NRG1: variants seen among roughly 807,000 people sequenced by gnomAD.
NRG1 encodes the protein neuregulin 1, also known as pro-neuregulin-1, membrane-bound isoform.
NRG1 carries 18 observed loss-of-function variants against 63.8 expected under a neutral mutation model. The observed-to-expected ratio is 0.28, with a 90% confidence interval of 0.19 to 0.42. NRG1 has a LOEUF of 0.42. Ranked by LOEUF, NRG1 falls within the 10% of genes least tolerant of loss-of-function variation. The pLI is 1.00. For missense variants in NRG1, 762 were observed against 814.7 expected, an observed-to-expected ratio of 0.94 and a Z score of 0.79; for synonymous variants, 302 against 301.3, an observed-to-expected ratio of 1.00 and a Z score of -0.02.
intron 4 of NRG1, among the ~76,000 whole-genome samples, chr8:32,616,459 G>A (rs1287181788): frequency 6.6e-6 from 1 of 151,960 alleles, no homozygotes; most frequent in Non-Finnish European, 1.5e-5. Flanking sequence ...GGAATCCAGG[G>A]GCTATTCTCT....
At chr8:32,131,912 T>A (rs1306729235) in intron 1 of NRG1, among the ~76,000 whole-genome samples, 1 of 152,062 alleles carries the variant, frequency 6.6e-6, no homozygotes, top group Non-Finnish European at 1.5e-5. Context: ...TTCCTGGATT[T>A]TTTTCCCTAA....
At chr8:31,996,107 C>A (rs1811927825) in intron 1 of NRG1, among the ~76,000 whole-genome samples, 1 of 151,670 alleles carries the variant, frequency 6.6e-6, no homozygotes, top group East Asian at 1.9e-4. Context: ...GTACCTCCTT[C>A]CACCTTTGTT....
intron 1 of NRG1, among the ~76,000 whole-genome samples, chr8:32,594,325 G>C (rs570183431): frequency 6.6e-6 from 1 of 152,252 alleles, no homozygotes; most frequent in African/African-American, 2.4e-5. Context: ...TAACATTCCT[G>C]AACTGGAGCA....
At chr8:32,081,061 ACTCGAAGTT>A (rs1827389767) in intron 1 of NRG1, among the ~76,000 whole-genome samples, 1 of 151,918 alleles carries the variant, frequency 6.6e-6, no homozygotes, top group African/African-American at 2.4e-5. Flanking sequence ...AATTTGCTTG[ACTCGAAGTT>A]CATTGATTTA....
intron 1 of NRG1, among the ~76,000 whole-genome samples, chr8:32,350,762 A>G (rs1310335580): frequency 6.6e-6 from 1 of 152,086 alleles, no homozygotes; most frequent in Admixed American, 6.6e-5. Flanking sequence ...ATAAATAACT[A>G]GGAATTATAA....
At chr8:31,800,896 A>C (rs1194873991) in intron 1 of NRG1, among the ~76,000 whole-genome samples, 1 of 129,942 alleles carries the variant, frequency 7.7e-6, no homozygotes, top group Non-Finnish European at 1.5e-5. Context: ...GCTGGAGTGC[A>C]GTGGTGCGAT....
intron 5 of NRG1, among the ~76,000 whole-genome samples, chr8:32,653,957 C>CGTGT (rs34252278): frequency 0.046 from 6,812 of 148,764 alleles, 478 homozygotes; most frequent in East Asian, 0.32. Context: ...CGTGTGTATG[C>CGTGT]GTGTGTGTGT....
rs186612129 is a variant in NRG1, at chr8:32,467,404, A to T, written c.38-128424A>T. ...CCAGGACCACTGTTGCCCTGAATGC[A>T]TGAGTATGCAGCCTTTTTATCGTAG... On this transcript the variant is annotated intron_variant, in intron 1 of 10. Coordinates refer to the NRG1 transcript ENST00000519301. Among the ~76,000 whole-genome samples, 29 of 152,278 alleles carry T rather than the reference A, an allele frequency of 1.9e-4. No homozygotes were observed. In the East Asian group the frequency reaches 5.4e-3, roughly 28 times the overall value.
chr8:31,758,440 C>T (rs571785365), intron 1 of NRG1, among the ~76,000 whole-genome samples: 14 of 152,200 alleles, frequency 9.2e-5, no homozygotes, highest in South Asian at 2.1e-4. Context: ...GCACTCTTCA[C>T]GATAGCAAAG....
At chr8:31,949,859 A>G (rs774132725) in intron 1 of NRG1, among the ~76,000 whole-genome samples, 4 of 152,158 alleles carry the variant, frequency 2.6e-5, no homozygotes, top group Non-Finnish European at 4.4e-5. Flanking sequence ...TCCATCTGCA[A>G]ATTTGTTTTT....
chr8:32,278,259 A>T (rs1412558197), intron 1 of NRG1, among the ~76,000 whole-genome samples: 1 of 152,190 alleles, frequency 6.6e-6, no homozygotes, highest in Non-Finnish European at 1.5e-5. Flanking sequence ...TGAGAAACTG[A>T]CTGACTACTA....
intron 1 of NRG1, among the ~76,000 whole-genome samples, chr8:31,743,561 T>TGTGTGTGG (rs1491341852): frequency 7.2e-6 from 1 of 139,114 alleles, no homozygotes; most frequent in African/African-American, 3.3e-5. Context: ...TTGTTTAATA[T>TGTGTGTGG]GTGTGTGTGT....
rs1317777987 is a variant in NRG1 at position 32,759,261 on chromosome 8, A to G, written c.922-45A>G. 3.1e-6 allele frequency: 5 copies of G among 1,595,222 alleles called. No individual in the cohort carries two copies. The African/African-American group carries it at 6.7e-5, about 21-fold the overall frequency. On this transcript the variant is annotated intron_variant, in intron 9 of 11. Transcript: ENST00000356819. ...TGACAATATTAGTGCTTTGATTGAC[A>G]TGAATCTACGTGAATCTTCAAGTTG...
chr8:31,937,830 C>T (rs1054476696), intron 1 of NRG1, among the ~76,000 whole-genome samples: 6 of 152,052 alleles, frequency 3.9e-5, no homozygotes, highest in African/African-American at 1.4e-4. Context: ...AGACTGGGAA[C>T]CACATCCCCA....
chr8:32,748,486 TA>T (rs1170159819), intron 7 of NRG1, among the ~76,000 whole-genome samples: 3 of 152,172 alleles, frequency 2.0e-5, no homozygotes, highest in Non-Finnish European at 4.4e-5. Context: ...GGAGATTTTT[TA>T]TTTTTTTTAT....
chr8:32,583,870 C>T (rs1408084633), intron 1 of NRG1, among the ~76,000 whole-genome samples: 4 of 152,206 alleles, frequency 2.6e-5, no homozygotes, highest in South Asian at 2.1e-4. Context: ...GTAAGGAAAA[C>T]GATATGTTGA....
chr8:32,563,291 A>G (rs1054039459), intron 1 of NRG1, among the ~76,000 whole-genome samples: 1 of 152,244 alleles, frequency 6.6e-6, no homozygotes, highest in South Asian at 2.1e-4. Context: ...TTGAAGAATA[A>G]TAGTCACATA....
chr8:31,855,647 C>G (rs1389329646), intron 1 of NRG1, among the ~76,000 whole-genome samples: 1 of 152,126 alleles, frequency 6.6e-6, no homozygotes, highest in African/African-American at 2.4e-5. Flanking sequence ...GAATTTGATC[C>G]TGTCCTTATG....
intron 1 of NRG1, among the ~76,000 whole-genome samples, chr8:32,549,780 C>T (rs530443898): frequency 1.1e-4 from 17 of 152,070 alleles, no homozygotes; most frequent in Admixed American, 5.9e-4. Flanking sequence ...AGAGGCATGT[C>T]GAATAAATAC....
Sources: allele counts gnomAD v4.1 joint callset (sites outside exome capture counted in the v4.1 genomes callset), GRCh38; gene constraint gnomAD v4.1.1; transcripts MANE v1.5; gene names NCBI Gene and HGNC (gene_info 2026-07-23, HGNC 2026-07-21).